The following NFILZ variants were observed in gnomAD, a reference collection of about 807,000 sequenced individuals.
The protein encoded by NFILZ is NFIL3 like basic leucine zipper, also known as NFIL3 like protein.
chr19:8,644,289 C>T (rs1010394717), intron 3 of NFILZ, among the ~76,000 whole-genome samples: 3 of 151,932 alleles, frequency 2.0e-5, no homozygotes, highest in Non-Finnish European at 4.4e-5. Context: ...TTAGTAGAGA[C>T]AGGGTTTCAC....
intron 3 of NFILZ, among the ~76,000 whole-genome samples, chr19:8,670,078 T>C (rs1009032485): frequency 1.3e-5 from 2 of 150,950 alleles, no homozygotes; most frequent in Non-Finnish European, 2.9e-5. Flanking sequence ...TTTTGGACCA[T>C]GAGAGCTCAC....
At chr19:8,642,958 T>TA (rs1360322550) in intron 3 of NFILZ, among the ~76,000 whole-genome samples, 2 of 150,140 alleles carry the variant, frequency 1.3e-5, no homozygotes, top group African/African-American at 2.5e-5. Context: ...TGACTCTTTT[T>TA]TTTTTTTTTG....
intron 3 of NFILZ, among the ~76,000 whole-genome samples, chr19:8,672,951 G>A (rs1555750413): frequency 6.6e-6 from 1 of 152,112 alleles, no homozygotes; most frequent in African/African-American, 2.4e-5. Context: ...TGGGCTCATG[G>A]TGGGTTTGTG....
chr19:8,680,620 T>C lies in NFILZ; in HGVS notation c.*2985T>C, dbSNP rs550478520. ...CTGATAACCCAGGGAAGGAGATAGA[T>C]TAAAAAATAAGAAAAACATATAGTA... On this transcript the variant is annotated 3_prime_UTR_variant, in exon 6 of 6. Transcript: ENST00000691075. Among the ~76,000 whole-genome samples, 58 of 152,014 alleles carry C rather than the reference T, an allele frequency of 3.8e-4. No individual in the cohort carries two copies. Among genetic ancestry groups the C allele is most frequent in the South Asian group, 2.5e-3 (12 of 4,812 alleles).
intron 3 of NFILZ, among the ~76,000 whole-genome samples, chr19:8,667,856 C>G (rs1480902710): frequency 1.3e-5 from 2 of 152,068 alleles, no homozygotes; most frequent in Non-Finnish European, 2.9e-5. Flanking sequence ...CTCCCATATA[C>G]TTTAAATCAT....
At chr19:8,648,035 A>C (rs1170256083) in intron 3 of NFILZ, among the ~76,000 whole-genome samples, 1 of 151,734 alleles carries the variant, frequency 6.6e-6, no homozygotes, top group African/African-American at 2.4e-5. Flanking sequence ...TTAGCCGGGC[A>C]TGGTAGCGGG....
rs2043003383 is a variant in NFILZ at position 8,656,494 on chromosome 19, TCCC to T, written c.-163-18056_-163-18054del. ...CCACCTTCTCCCGCAGCCCACCTTC[TCCC>T]GCAGCCCACCTTCTCCTGCAGCCCA... is the stretch of plus-strand genomic sequence containing the variant. On this transcript the variant is annotated intron_variant, in intron 3 of 5. Coordinates refer to ENST00000691075, the MANE Select transcript of NFILZ (RefSeq NM_001378600.1). 1.2e-3 allele frequency among the ~76,000 whole-genome samples: 87 copies of T among 69,774 alleles called. 7 individuals are homozygous for T. Among genetic ancestry groups the T allele is most frequent in the African/African-American group, 4.5e-3 (72 of 15,948 alleles). The allele number at this position is 69,774 out of a possible 152,430, so 45.8% of individuals were successfully genotyped here. A position where few individuals can be genotyped will look rare whatever the true frequency, so the allele number is the denominator to read the frequency against.
rs55926423 is a variant in NFILZ, at chr19:8,679,269, CATT to C, written c.*1669_*1671del. On this transcript the variant is annotated 3_prime_UTR_variant, in exon 6 of 6. Transcript: ENST00000691075. Reference sequence around the variant, plus strand: ...TCAGTTTCTCACTCAGCCCCTCTCCCATTATTATTATTATTATTATTATTATTA... The same window carrying C: ...TCAGTTTCTCACTCAGCCCCTCTCCCATTATTATTATTATTATTATTATTA... Among the ~76,000 whole-genome samples, 29,679 of 145,618 alleles carry C rather than the reference CATT, an allele frequency of 0.2. 3,578 individuals carry two copies. Among genetic ancestry groups the C allele is most frequent in the Admixed American group, 0.27 (3,939 of 14,592 alleles).
At chr19:8,634,760 G>C (rs2042886844) in intron 2 of NFILZ, among the ~76,000 whole-genome samples, 1 of 152,072 alleles carries the variant, frequency 6.6e-6, no homozygotes. Context: ...TGCATTCGTA[G>C]TTCCAGCTAA....
At chr19:8,633,900 TTCCTTC>T (rs1568416464) in intron 2 of NFILZ, among the ~76,000 whole-genome samples, 12 of 142,748 alleles carry the variant, frequency 8.4e-5, no homozygotes, top group Non-Finnish European at 1.6e-4. Context: ...CCTTCCTTCC[TTCCTTC>T]CTTCCTTCCT....
At chr19:8,658,191 A>T (rs1555748697) in intron 3 of NFILZ, among the ~76,000 whole-genome samples, 2 of 152,180 alleles carry the variant, frequency 1.3e-5, no homozygotes, top group African/African-American at 4.8e-5. Context: ...AGGTAGCAGG[A>T]TGATTTGGTG....
intron 3 of NFILZ, among the ~76,000 whole-genome samples, chr19:8,673,814 C>T (rs560571257): frequency 3.9e-5 from 6 of 152,142 alleles, no homozygotes; most frequent in Admixed American, 6.5e-5. Context: ...TTGACTTGGG[C>T]GACTGCAGAA....
chr19:8,648,550 G>T (rs1346279343), intron 3 of NFILZ, among the ~76,000 whole-genome samples: 1 of 152,120 alleles, frequency 6.6e-6, no homozygotes, highest in African/African-American at 2.4e-5. Context: ...GGGCATGGTG[G>T]CTCATGCCTG....
intron 3 of NFILZ, among the ~76,000 whole-genome samples, chr19:8,659,613 C>A (rs2043020581): frequency 6.6e-6 from 1 of 152,142 alleles, no homozygotes; most frequent in South Asian, 2.1e-4. Flanking sequence ...AGGAAAGTAG[C>A]ATAATCTGAT....
At chr19:8,635,267 A>G (rs561673112) in intron 2 of NFILZ, among the ~76,000 whole-genome samples, 17 of 150,164 alleles carry the variant, frequency 1.1e-4, no homozygotes, top group African/African-American at 4.2e-4. Flanking sequence ...CCGAGATCAT[A>G]CCACTGCACC....
chr19:8,632,021 G>A (rs1373360564), intron 1 of NFILZ, among the ~76,000 whole-genome samples: 1 of 151,870 alleles, frequency 6.6e-6, no homozygotes, highest in Non-Finnish European at 1.5e-5. Context: ...GGTGCCTGCC[G>A]CCACACTCGG....
rs1231465512 is a variant in NFILZ at position 8,678,113 on chromosome 19, C to T, written c.*478C>T. On this transcript the variant is annotated 3_prime_UTR_variant, in exon 6 of 6. Coordinates refer to ENST00000691075, the MANE Select transcript of NFILZ (RefSeq NM_001378600.1). ...CCATTCCATCCATCCATCCATCCATCCATCCATCCATCCCTCCATCCATTC... is the reference window on the plus strand; with the variant it reads ...CCATTCCATCCATCCATCCATCCATTCATCCATCCATCCCTCCATCCATTC... 3.4e-3 allele frequency among the ~76,000 whole-genome samples: 316 copies of T among 94,208 alleles called. 5 individuals are homozygous for T. The highest frequency in any genetic ancestry group is 0.013 in the Middle Eastern group (2 of 150). 61.8% of individuals were successfully genotyped at this position (94,208 alleles called of 152,430 possible).
intron 3 of NFILZ, among the ~76,000 whole-genome samples, chr19:8,670,402 C>G (rs992621601): frequency 1.3e-5 from 2 of 151,950 alleles, no homozygotes; most frequent in Non-Finnish European, 2.9e-5. Context: ...GCACCTGGCC[C>G]CATATTTTTT....
chr19:8,639,095 C>T (rs553856826), intron 3 of NFILZ, among the ~76,000 whole-genome samples: 51 of 152,098 alleles, frequency 3.4e-4, no homozygotes, highest in Non-Finnish European at 6.3e-4. Flanking sequence ...CTGCCCGACT[C>T]GGCCTCCCAA....
Sources: gnomAD v4.1 joint callset for allele counts (sites outside exome capture counted in the v4.1 genomes callset) on GRCh38, gnomAD v4.1.1 for gene constraint, MANE v1.5 for transcripts, NCBI Gene and HGNC (gene_info 2026-07-23, HGNC 2026-07-21) for gene names.